C8orf34: variants seen among roughly 807,000 people sequenced by gnomAD.
C8orf34 encodes the protein chromosome 8 open reading frame 34, also known as uncharacterized protein C8orf34.
A neutral mutation model predicts 68.3 loss-of-function variants in C8orf34; 65 were observed. That is an observed-to-expected ratio of 0.95 (90% confidence interval 0.78 to 1.17). The LOEUF (loss-of-function observed/expected upper bound fraction) is 1.17, where lower values mean the gene tolerates loss of function less well. Ranked by LOEUF, C8orf34 falls within the 50% of genes most tolerant of loss-of-function variation. C8orf34 has a pLI of 0.00. For synonymous variants in C8orf34, 244 were observed against 241.2 expected, an observed-to-expected ratio of 1.01 and a Z score of -0.11; for missense variants, 664 against 655.4, an observed-to-expected ratio of 1.01 and a Z score of -0.14.
chr8:68,488,038 A>G lies in C8orf34; in HGVS notation c.752A>G (p.Asp251Gly), dbSNP rs751302221. Residue 251 changes from aspartate (D) to glycine (G), a missense_variant, in exon 5 of 14, where the codon GAT becomes GGT. By Grantham distance (94) the Asp-to-Gly change is moderately conservative. Coordinates refer to ENST00000518698, the MANE Select transcript of C8orf34 (RefSeq NM_052958.4). The part of the protein sequence containing the change: ...ENLSRSIAIS[D>G]ELDKETVTFN... ...TAAATCCCAGGTATTGCAATTTCAG[A>G]TGAACTCGATAAGGTAAGTTGAACT... 6.3e-7 allele frequency: 1 copy of G among 1,593,144 alleles called. No homozygotes were observed. The highest frequency in any genetic ancestry group is 8.5e-7 in the Non-Finnish European group (1 of 1,169,780).
At chr8:68,578,063 G>A (rs1816958601) in intron 7 of C8orf34, among the ~76,000 whole-genome samples, 1 of 151,330 alleles carries the variant, frequency 6.6e-6, no homozygotes, top group Non-Finnish European at 1.5e-5. Flanking sequence ...AAAAGAAGGA[G>A]GCAAGAAGTA....
intron 8 of C8orf34, among the ~76,000 whole-genome samples, chr8:68,641,038 C>G (rs1453339419): frequency 5.3e-5 from 8 of 152,182 alleles, no homozygotes. Context: ...GCCAAGTCAG[C>G]TCCCAGTGCT....
chr8:68,390,469 G>A (rs2676654), intron 1 of C8orf34, among the ~76,000 whole-genome samples: 18,133 of 152,144 alleles, frequency 0.12, 1,140 homozygotes, highest in African/African-American at 0.15. Context: ...CCTTGGAAGT[G>A]GAAGTTAGTA....
intron 8 of C8orf34, among the ~76,000 whole-genome samples, chr8:68,694,275 GTGTT>G (rs56338761): frequency 0.077 from 11,505 of 149,996 alleles, 681 homozygotes; most frequent in African/African-American, 0.16. Context: ...TTTTTAAAAA[GTGTT>G]TGACAGAATG....
At chr8:68,564,660 T>C (rs1410182434) in intron 7 of C8orf34, among the ~76,000 whole-genome samples, 3 of 152,164 alleles carry the variant, frequency 2.0e-5, no homozygotes, top group African/African-American at 7.2e-5. Context: ...TGGTTTGTGA[T>C]CTGCAGGCAC....
At chr8:68,647,688 G>T (rs1012544913) in intron 8 of C8orf34, among the ~76,000 whole-genome samples, 2 of 152,088 alleles carry the variant, frequency 1.3e-5, no homozygotes, top group Non-Finnish European at 2.9e-5. Flanking sequence ...AGTGATTAAA[G>T]GATCGAGAAT....
At chr8:68,607,314 AAAC>A (rs1283297291) in intron 7 of C8orf34, among the ~76,000 whole-genome samples, 2 of 152,148 alleles carry the variant, frequency 1.3e-5, no homozygotes, top group Admixed American at 1.3e-4. Context: ...TGGGTGGTTT[AAAC>A]AACATTTCTG....
chr8:68,768,887 C>G (rs1333202630), intron 10 of C8orf34, among the ~76,000 whole-genome samples: 1 of 147,426 alleles, frequency 6.8e-6, no homozygotes, highest in Non-Finnish European at 1.5e-5. Flanking sequence ...TGGGTTCACA[C>G]TTTTTTTTTT....
intron 3 of C8orf34, among the ~76,000 whole-genome samples, chr8:68,466,656 T>C (rs1445461523): frequency 6.6e-6 from 1 of 150,588 alleles, no homozygotes; most frequent in Non-Finnish European, 1.5e-5. Context: ...ACATTTAGAT[T>C]ACTAACAGGG....
chr8:68,761,237 A>G (rs1013369164), intron 10 of C8orf34, among the ~76,000 whole-genome samples: 6 of 152,226 alleles, frequency 3.9e-5, no homozygotes, highest in African/African-American at 1.4e-4. Flanking sequence ...GCCCAGCTTT[A>G]GAACTTTAGG....
intron 5 of C8orf34, among the ~76,000 whole-genome samples, chr8:68,490,199 A>G (rs1454124442): frequency 6.6e-6 from 1 of 152,144 alleles, no homozygotes; most frequent in African/African-American, 2.4e-5. Context: ...TTAAGTACTA[A>G]GATATAACCA....
At chr8:68,536,247 T>C (rs73268417) in intron 7 of C8orf34, among the ~76,000 whole-genome samples, 31,041 of 150,392 alleles carry the variant, frequency 0.21, 4,298 homozygotes, top group African/African-American at 0.4. Context: ...CAAGTGTGGT[T>C]GCATGCACCT....
rs1224756627 is a variant in C8orf34, at chr8:68,774,944, T to TAAAAAAAA, written c.1405-1439_1405-1432dup. ...CAACATGATGAAACCCTGTCTCCAC[T>TAAAAAAAA]AAAAAAAAAAAAAAAAAAAAAAATT... On this transcript the variant is annotated intron_variant, in intron 10 of 13. Transcript: ENST00000518698. Among the ~76,000 whole-genome samples, 74 of 44,672 alleles carry TAAAAAAAA rather than the reference T, an allele frequency of 1.7e-3. 7 individuals carry two copies. The highest frequency in any genetic ancestry group is 3.9e-3 in the African/African-American group (31 of 8,010). 29.3% of individuals were successfully genotyped at this position (44,672 alleles called of 152,430 possible).
At chr8:68,807,682 G>T (rs146180411) in intron 12 of C8orf34, among the ~76,000 whole-genome samples, 126 of 152,178 alleles carry the variant, frequency 8.3e-4, no homozygotes, top group African/African-American at 2.9e-3. Flanking sequence ...GCTTATTTTT[G>T]ATTAAGTGTT....
chr8:68,511,395 A>G (rs1814268675), intron 5 of C8orf34, among the ~76,000 whole-genome samples: 1 of 152,054 alleles, frequency 6.6e-6, no homozygotes. Flanking sequence ...GGCTATTTTA[A>G]AGAGAGCAGG....
At chr8:68,394,746 A>G (rs1186492203) in intron 1 of C8orf34, among the ~76,000 whole-genome samples, 1 of 152,140 alleles carries the variant, frequency 6.6e-6, no homozygotes, top group African/African-American at 2.4e-5. Flanking sequence ...AGTACTAAAA[A>G]TAGTGACATT....
At chr8:68,742,532 T>C (rs972571741) in intron 10 of C8orf34, among the ~76,000 whole-genome samples, 1 of 152,204 alleles carries the variant, frequency 6.6e-6, no homozygotes, top group African/African-American at 2.4e-5. Flanking sequence ...TGGCTCTTGA[T>C]AGAATCCTTT....
chr8:68,802,351 C>T (rs1357408324), intron 12 of C8orf34, among the ~76,000 whole-genome samples: 1 of 152,088 alleles, frequency 6.6e-6, no homozygotes, highest in African/African-American at 2.4e-5. Context: ...CCACCTGCCT[C>T]GACCTCCCAA....
Position 68,405,997 on chromosome 8 carries a change from C to T in C8orf34, c.328-33502C>T, listed in dbSNP as rs187512957. 3.8e-3 allele frequency among the ~76,000 whole-genome samples: 578 copies of T among 152,220 alleles called. 10 individuals are homozygous for T. Among genetic ancestry groups the T allele is most frequent in the Admixed American group, 0.035 (537 of 15,262 alleles). On this transcript the variant is annotated intron_variant, in intron 1 of 13. Transcript: ENST00000518698. ...GTATGGGAACATTCAAAAACCATGT[C>T]GCCAAATAAAAGGCACAGATTAAGA...
Sources: allele counts gnomAD v4.1 joint callset (sites outside exome capture counted in the v4.1 genomes callset), GRCh38; gene constraint gnomAD v4.1.1; transcripts MANE v1.5; gene names NCBI Gene and HGNC (gene_info 2026-07-23, HGNC 2026-07-21).